Variants in ZDHHC3 observed in about 807,000 individuals in gnomAD.
ZDHHC3 encodes the protein zDHHC palmitoyltransferase 3.
ZDHHC3 carries 9 observed loss-of-function variants against 30.6 expected under a neutral mutation model. The observed-to-expected ratio is 0.29, with a 90% CI of 0.18 to 0.51. ZDHHC3 has a LOEUF of 0.51. Ranked by LOEUF, ZDHHC3 falls within the 20% of genes least tolerant of loss-of-function variation. ZDHHC3 has a pLI of 0.97. For missense variants in ZDHHC3, 246 were observed against 384.2 expected (o/e 0.64, Z 3.01); for synonymous variants, 136 against 140.2 (o/e 0.97, Z 0.21).
chr3:44,937,572 T>TAA (rs1702084944), intron 3 of ZDHHC3: 1 of 147,124 alleles, frequency 6.8e-6, no homozygotes, highest in Non-Finnish European at 1.5e-5. Context: ...TTTTTTTTTT[T>TAA]TAAAAAAAAA....
intron 1 of ZDHHC3, among the ~76,000 whole-genome samples, chr3:44,971,951 C>G (rs1339875042): frequency 6.6e-6 from 1 of 151,980 alleles, no homozygotes; most frequent in Non-Finnish European, 1.5e-5. Context: ...GACTCAAACT[C>G]CGGGGCTTAA....
At position 44,922,223 on chromosome 3, in the gene ZDHHC3, T is replaced by A; in HGVS notation, c.*4466A>T. ...CCACATGGGTGTTGAAACCCACACGTAGAAAGCAAAGGTCAAGACGTGTTC... is the reference window on the plus strand; with the variant it reads ...CCACATGGGTGTTGAAACCCACACGAAGAAAGCAAAGGTCAAGACGTGTTC... On this transcript the variant is annotated 3_prime_UTR_variant, in exon 7 of 7. Transcript: ENST00000424952. 3.0e-6 allele frequency: 3 copies of A among 985,400 alleles called. No individual in the cohort carries two copies. Among genetic ancestry groups the A allele is most frequent in the Non-Finnish European group, 3.6e-6 (3 of 829,920 alleles). 61.0% of individuals were successfully genotyped at this position (985,400 alleles called of 1,614,324 possible).
rs1700611377 is a variant in ZDHHC3, at chr3:44,921,792, C to T, written c.*4897G>A. On this transcript the variant is annotated 3_prime_UTR_variant, in exon 7 of 7. Coordinates refer to ENST00000424952, the MANE Select transcript of ZDHHC3 (RefSeq NM_001135179.2). ...GTGCGGTAATAAGTAGCCAAGCAGA[C>T]ATTTCAACCAAAGACTGAAGCCAGG... The T allele has an allele frequency of 3.0e-6, 3 of 984,116 alleles. No individual in the cohort carries two copies. The highest frequency in any genetic ancestry group is 3.5e-5 in the African/African-American group (2 of 57,342). 61.0% of individuals were successfully genotyped at this position (984,116 alleles called of 1,614,324 possible). A position where few individuals can be genotyped will look rare whatever the true frequency, so the allele number is the denominator to read the frequency against.
intron 4 of ZDHHC3, chr3:44,933,485 G>A (rs1701679267): frequency 1.8e-6 from 1 of 561,888 alleles, no homozygotes. Flanking sequence ...CTGGGCGGGG[G>A]GTTCAAGCCT....
intron 2 of ZDHHC3, chr3:44,958,834 G>C: frequency 1.3e-6 from 1 of 791,902 alleles, no homozygotes; most frequent in Non-Finnish European, 2.0e-6. Flanking sequence ...TTTTTAACCA[G>C]AGGCCAGGTT....
intron 6 of ZDHHC3, among the ~76,000 whole-genome samples, chr3:44,927,438 G>A (rs1298811373): frequency 1.3e-5 from 2 of 152,254 alleles, no homozygotes; most frequent in African/African-American, 4.8e-5. Flanking sequence ...AGTGGGCCTG[G>A]TGAGACACAA....
rs377732665 is a variant in ZDHHC3 at position 44,922,353 on chromosome 3, C to T, written c.*4336G>A. On this transcript the variant is annotated 3_prime_UTR_variant, in exon 7 of 7. Coordinates refer to ENST00000424952, the MANE Select transcript of ZDHHC3 (RefSeq NM_001135179.2). The stretch of plus-strand genomic sequence containing the variant: ...GTTCTACTCTTTTCTCTTTCCCTTC[C>T]GGGCTGCTTCTTCACCCAAAGGGCC... The T allele has an allele frequency of 2.8e-4, 276 of 985,408 alleles. 2 individuals carry two copies. In the African/African-American group the frequency reaches 4.3e-3, roughly 15 times the overall value. The allele number at this position is 985,408 out of a possible 1,614,324, so 61.0% of individuals were successfully genotyped here.
chr3:44,923,300 T>A lies in ZDHHC3; in HGVS notation c.*3389A>T. 4 of 959,822 alleles carry A rather than the reference T, an allele frequency of 4.2e-6. No homozygotes were observed. The South Asian group carries it at 1.9e-4, about 46-fold the overall frequency. 59.5% of individuals were successfully genotyped at this position (959,822 alleles called of 1,614,324 possible). On this transcript the variant is annotated 3_prime_UTR_variant, in exon 7 of 7. Transcript: ENST00000424952. ...ACCGTGTTAGCCAGGATGATCTCGA[T>A]CTCTTGACCTCGTGATCTGCCCGCC...
At chr3:44,940,601 G>T (rs931305229) in intron 3 of ZDHHC3, among the ~76,000 whole-genome samples, 1 of 152,172 alleles carries the variant, frequency 6.6e-6, no homozygotes, top group African/African-American at 2.4e-5. Context: ...CTAAATGGAG[G>T]TATCTGCATC....
intron 1 of ZDHHC3, among the ~76,000 whole-genome samples, chr3:44,964,669 C>G (rs1190226029): frequency 6.6e-6 from 1 of 152,142 alleles, no homozygotes. Flanking sequence ...GATGAGAGGT[C>G]TGCGTCCAGA....
At chr3:44,960,890 T>C (rs1704416993) in intron 1 of ZDHHC3, among the ~76,000 whole-genome samples, 1 of 152,202 alleles carries the variant, frequency 6.6e-6, no homozygotes, top group African/African-American at 2.4e-5. Context: ...GTAACTACTA[T>C]TCAAAATGAC....
In ZDHHC3 at chr3:44,920,853, G is replaced by A. The variant is rs1391765770; in HGVS notation, c.*5836C>T. On this transcript the variant is annotated 3_prime_UTR_variant, in exon 7 of 7. Transcript: ENST00000424952. The stretch of plus-strand genomic sequence containing the variant: ...ACCAGAGGTCTTCAGCAGTAAAGTC[G>A]ACAAACTTTCAGGGAGTGTTGACTT... 36 of 985,276 alleles carry A rather than the reference G, an allele frequency of 3.7e-5. No homozygotes were observed. The highest frequency in any genetic ancestry group is 1.8e-4 in the Admixed American group (3 of 16,270). 61.0% of individuals were successfully genotyped at this position (985,276 alleles called of 1,614,324 possible).
Position 44,924,042 on chromosome 3 carries a change from A to C in ZDHHC3, c.*2647T>G. 1.0e-6 allele frequency: 1 copy of C among 985,454 alleles called. No homozygotes were observed. Among genetic ancestry groups the C allele is most frequent in the Non-Finnish European group, 1.2e-6 (1 of 829,934 alleles). The allele number at this position is 985,454 out of a possible 1,614,324, so 61.0% of individuals were successfully genotyped here. On this transcript the variant is annotated 3_prime_UTR_variant, in exon 7 of 7. Transcript: ENST00000424952. ...GCAAGCTGGGGATCACAATCCAACA[A>C]GCCACATCTTTATTTTTCACTTCCA...
At chr3:44,939,240 T>C (rs1702231756) in intron 3 of ZDHHC3, among the ~76,000 whole-genome samples, 1 of 152,242 alleles carries the variant, frequency 6.6e-6, no homozygotes, top group Non-Finnish European at 1.5e-5. Flanking sequence ...AGCAAGTCCA[T>C]TAGCCACTCT....
intron 3 of ZDHHC3, among the ~76,000 whole-genome samples, chr3:44,935,298 T>C (rs1701856357): frequency 6.6e-6 from 1 of 152,222 alleles, no homozygotes; most frequent in Non-Finnish European, 1.5e-5. Flanking sequence ...GTGTGTTAGA[T>C]AGGATCTTCC....
intron 2 of ZDHHC3, among the ~76,000 whole-genome samples, chr3:44,958,044 T>C (rs991295961): frequency 1.3e-5 from 2 of 152,226 alleles, no homozygotes; most frequent in Non-Finnish European, 2.9e-5. Context: ...ATTATACCCA[T>C]ATACATGGCT....
chr3:44,958,333 C>T (rs1704136216), intron 2 of ZDHHC3, among the ~76,000 whole-genome samples: 1 of 152,186 alleles, frequency 6.6e-6, no homozygotes, highest in African/African-American at 2.4e-5. Flanking sequence ...CTCACAGAAA[C>T]AAAATCTGTA....
At chr3:44,967,057 GTC>G (rs964170869) in intron 1 of ZDHHC3, among the ~76,000 whole-genome samples, 1 of 151,824 alleles carries the variant, frequency 6.6e-6, no homozygotes, top group African/African-American at 2.4e-5. Context: ...ACTGCCTTTT[GTC>G]TCTGTCATAC....
At chr3:44,961,546 C>A (rs1227851937) in intron 1 of ZDHHC3, among the ~76,000 whole-genome samples, 1 of 152,170 alleles carries the variant, frequency 6.6e-6, no homozygotes, top group Non-Finnish European at 1.5e-5. Context: ...TTAAAAGATG[C>A]AGGCCCACCT....
Sources: allele counts gnomAD v4.1 joint callset (sites outside exome capture counted in the v4.1 genomes callset), GRCh38; gene constraint gnomAD v4.1.1; transcripts MANE v1.5; gene names NCBI Gene and HGNC (gene_info 2026-07-23, HGNC 2026-07-21).